The following FGF2 variants were observed in gnomAD, a reference collection of about 807,000 sequenced individuals.
FGF2 encodes basic fibroblast growth factor bFGF.
Under a neutral mutation model 15.9 loss-of-function variants are expected in FGF2, and 13 were observed. The observed-to-expected ratio is 0.82, with a 90% CI of 0.53 to 1.30. FGF2 has a LOEUF of 1.30. Among genes scored for constraint, FGF2 ranks in the 50% most tolerant of loss-of-function variants. FGF2 has a pLI of 0.00. For synonymous variants in FGF2, 90 were observed against 78.4 expected (o/e 1.15, Z -0.78); for missense variants, 163 against 196.9 (o/e 0.83, Z 1.03).
intron 2 of FGF2, among the ~76,000 whole-genome samples, chr4:122,885,467 T>C (rs1210392645): frequency 6.6e-6 from 1 of 152,226 alleles, no homozygotes; most frequent in Non-Finnish European, 1.5e-5. Flanking sequence ...TAGCTAGAGT[T>C]GCTGTATCTA....
At chr4:122,890,415 G>T (rs1727143523) in intron 2 of FGF2, among the ~76,000 whole-genome samples, 1 of 152,122 alleles carries the variant, frequency 6.6e-6, no homozygotes, top group African/African-American at 2.4e-5. Flanking sequence ...TTACATAATA[G>T]GCAAATTAGT....
In FGF2 at chr4:122,897,557, G is replaced by T; in HGVS notation, c.*5161G>T. The T allele has an allele frequency of 8.8e-7, 1 of 1,140,026 alleles. No individual in the cohort carries two copies. The highest frequency in any genetic ancestry group is 1.3e-6 in the Non-Finnish European group (1 of 752,634). 70.6% of individuals were successfully genotyped at this position (1,140,026 alleles called of 1,614,324 possible). On this transcript the variant is annotated 3_prime_UTR_variant, in exon 3 of 3. Coordinates refer to ENST00000644866, the MANE Select transcript of FGF2 (RefSeq NM_001361665.2). ...TTAAATTTTTATTCTTAGCTATAAA[G>T]CAAGAAAGTAAACACATTAATTTCC...
chr4:122,867,674 A>G (rs1411022870), intron 1 of FGF2, among the ~76,000 whole-genome samples: 2 of 152,174 alleles, frequency 1.3e-5, no homozygotes, highest in Middle Eastern at 3.2e-3. Flanking sequence ...ATAGTTTTCA[A>G]ATGACTATAT....
At chr4:122,836,896 A>G (rs1380394707) in intron 1 of FGF2, among the ~76,000 whole-genome samples, 1 of 152,218 alleles carries the variant, frequency 6.6e-6, no homozygotes, top group Admixed American at 6.5e-5. Flanking sequence ...TAAGTAACAT[A>G]TTAATATTTC....
chr4:122,832,600 G>T (rs572475259), intron 1 of FGF2, among the ~76,000 whole-genome samples: 1 of 152,150 alleles, frequency 6.6e-6, no homozygotes, highest in Non-Finnish European at 1.5e-5. Context: ...AATGTATTTT[G>T]TTCTGTTTTA....
chr4:122,892,281 G>A lies in FGF2; in HGVS notation c.353G>A (p.Arg118Lys). 6.2e-7 allele frequency: 1 copy of A among 1,613,898 alleles called. No homozygotes were observed. The change falls in exon 3 of 3, where the codon AGG becomes AAG. Residue 118 changes from arginine (R) to lysine (K), a missense_variant. Coordinates refer to ENST00000644866, the MANE Select transcript of FGF2 (RefSeq NM_001361665.2). ...AATAACTACAATACTTACCGGTCAA[G>A]GAAATACACCAGTTGGTATGTGGCA... ...ESNNYNTYRS[R>K]KYTSWYVALK...
chr4:122,854,245 A>G (rs1212965870), intron 1 of FGF2, among the ~76,000 whole-genome samples: 1 of 152,230 alleles, frequency 6.6e-6, no homozygotes, highest in Non-Finnish European at 1.5e-5. Flanking sequence ...CAGAATTCTA[A>G]TGAGCATATT....
intron 1 of FGF2, among the ~76,000 whole-genome samples, chr4:122,829,694 C>G (rs1241742433): frequency 6.6e-6 from 1 of 152,174 alleles, no homozygotes; most frequent in Non-Finnish European, 1.5e-5. Flanking sequence ...AGTCCTGTCC[C>G]TCCCCAACTT....
At chr4:122,853,958 A>C (rs1245407921) in intron 1 of FGF2, among the ~76,000 whole-genome samples, 1 of 152,242 alleles carries the variant, frequency 6.6e-6, no homozygotes, top group African/African-American at 2.4e-5. Flanking sequence ...TTTGTAAAGC[A>C]TCAGTATATG....
At chr4:122,870,045 G>A (rs559203203) in intron 1 of FGF2, among the ~76,000 whole-genome samples, 21 of 152,128 alleles carry the variant, frequency 1.4e-4, no homozygotes, top group Non-Finnish European at 2.5e-4. Flanking sequence ...AGCATAAAAG[G>A]GTGTTGAATT....
At chr4:122,849,507 G>A (rs938956257) in intron 1 of FGF2, among the ~76,000 whole-genome samples, 20 of 152,176 alleles carry the variant, frequency 1.3e-4, no homozygotes, top group Middle Eastern at 3.4e-3. Context: ...TGTAGATGAC[G>A]GGTTGATGGG....
intron 1 of FGF2, among the ~76,000 whole-genome samples, chr4:122,842,197 C>CGATGTATG (rs1390778786): frequency 5.3e-4 from 80 of 152,290 alleles, no homozygotes; most frequent in African/African-American, 1.9e-3. Context: ...GGGGGAAATA[C>CGATGTATG]TATTTATGGA....
chr4:122,835,103 A>G (rs1397434519), intron 1 of FGF2, among the ~76,000 whole-genome samples: 1 of 152,194 alleles, frequency 6.6e-6, no homozygotes. Context: ...CACCCATTGC[A>G]TAGCAATCCT....
intron 1 of FGF2, among the ~76,000 whole-genome samples, chr4:122,852,159 A>G (rs1000030503): frequency 6.6e-6 from 1 of 152,168 alleles, no homozygotes; most frequent in African/African-American, 2.4e-5. Context: ...ATATTTTATG[A>G]TTCTGTGGGT....
chr4:122,862,547 G>A (rs1460333188), intron 1 of FGF2, among the ~76,000 whole-genome samples: 3 of 152,132 alleles, frequency 2.0e-5, no homozygotes, highest in Non-Finnish European at 4.4e-5. Flanking sequence ...TTTACTTATG[G>A]TGATCAGAGT....
chr4:122,843,869 C>G (rs1247018122), intron 1 of FGF2, among the ~76,000 whole-genome samples: 1 of 152,122 alleles, frequency 6.6e-6, no homozygotes, highest in African/African-American at 2.4e-5. Flanking sequence ...TCATCTGAGC[C>G]TTTAGTGAGT....
At chr4:122,842,254 A>G (rs1726003557) in intron 1 of FGF2, among the ~76,000 whole-genome samples, 1 of 152,182 alleles carries the variant, frequency 6.6e-6, no homozygotes, top group East Asian at 1.9e-4. Flanking sequence ...CCAGACAGAG[A>G]GTTTTAACCT....
At chr4:122,833,179 A>ATGTG (rs139686023) in intron 1 of FGF2, among the ~76,000 whole-genome samples, 1,521 of 149,042 alleles carry the variant, frequency 0.01, 27 homozygotes, top group African/African-American at 0.035. Context: ...TGTATAATGG[A>ATGTG]TGTGTGTGTG....
chr4:122,864,243 T>C (rs1726527724), intron 1 of FGF2, among the ~76,000 whole-genome samples: 1 of 152,252 alleles, frequency 6.6e-6, no homozygotes, highest in Non-Finnish European at 1.5e-5. Flanking sequence ...GTGAGGGACT[T>C]AATACTGGGA....
Sources: allele counts gnomAD v4.1 joint callset (sites outside exome capture counted in the v4.1 genomes callset), GRCh38; gene constraint gnomAD v4.1.1; transcripts MANE v1.5; gene names NCBI Gene and HGNC (gene_info 2026-07-23, HGNC 2026-07-21).